Variants in EPHA3 observed in about 807,000 individuals in gnomAD.
The protein encoded by EPHA3 is ephrin type-A receptor 3.
A neutral mutation model predicts 107.1 loss-of-function variants in EPHA3; 42 were observed. The observed-to-expected ratio is 0.39, with a 90% CI of 0.31 to 0.51. The LOEUF (loss-of-function observed/expected upper bound fraction) is 0.51, where lower values mean the gene tolerates loss of function less well. Ranked by LOEUF, EPHA3 falls within the 20% of genes least tolerant of loss-of-function variation. The pLI, the probability that EPHA3 is intolerant of heterozygous loss-of-function variation, is 0.78. For synonymous variants in EPHA3, 461 were observed against 424.8 expected (o/e 1.09, Z -1.05); for missense variants, 1,183 against 1,211.2 (o/e 0.98, Z 0.35).
intron 2 of EPHA3, among the ~76,000 whole-genome samples, chr3:89,131,685 G>C (rs1441326071): frequency 1.3e-5 from 2 of 152,170 alleles, no homozygotes; most frequent in Non-Finnish European, 2.9e-5. Context: ...TTCAGGGAGT[G>C]TAGAAAAAGC....
At chr3:89,404,596 C>T (rs1709021036) in intron 7 of EPHA3, among the ~76,000 whole-genome samples, 1 of 152,070 alleles carries the variant, frequency 6.6e-6, no homozygotes. Context: ...TTATTAGACA[C>T]CTATGTAACT....
At chr3:89,218,630 A>G (rs1704276460) in intron 3 of EPHA3, among the ~76,000 whole-genome samples, 1 of 152,162 alleles carries the variant, frequency 6.6e-6, no homozygotes, top group African/African-American at 2.4e-5. Flanking sequence ...AGCATGATTT[A>G]TAATCCTTTG....
At chr3:89,242,144 G>A (rs898478297) in intron 3 of EPHA3, among the ~76,000 whole-genome samples, 12 of 152,258 alleles carry the variant, frequency 7.9e-5, no homozygotes, top group African/African-American at 1.7e-4. Context: ...TAAAGAAGAC[G>A]ATCTTTGTCT....
At chr3:89,175,732 G>A (rs1460860322) in intron 2 of EPHA3, among the ~76,000 whole-genome samples, 2 of 151,988 alleles carry the variant, frequency 1.3e-5, no homozygotes, top group African/African-American at 2.4e-5. Context: ...CTAAAAGGAC[G>A]GGTTGTCATC....
At chr3:89,395,592 A>G (rs748641450) in intron 5 of EPHA3, among the ~76,000 whole-genome samples, 16 of 152,194 alleles carry the variant, frequency 1.1e-4, no homozygotes, top group Non-Finnish European at 2.2e-4. Flanking sequence ...CCAGCAGCAG[A>G]GAATCTCAGC....
At chr3:89,167,928 A>G (rs1283732478) in intron 2 of EPHA3, among the ~76,000 whole-genome samples, 3 of 152,020 alleles carry the variant, frequency 2.0e-5, no homozygotes, top group African/African-American at 7.2e-5. Flanking sequence ...ACACATATAT[A>G]CACACACACA....
intron 3 of EPHA3, among the ~76,000 whole-genome samples, chr3:89,329,104 G>T (rs1707235120): frequency 6.6e-6 from 1 of 152,066 alleles, no homozygotes. Flanking sequence ...GGCAATCAAT[G>T]AAATTCTAAA....
At chr3:89,150,856 T>A (rs1704675611) in intron 2 of EPHA3, among the ~76,000 whole-genome samples, 1 of 151,994 alleles carries the variant, frequency 6.6e-6, no homozygotes, top group Admixed American at 6.6e-5. Flanking sequence ...CATGCCTGTA[T>A]TCCTAGCTAC....
In EPHA3 at chr3:89,267,241, G is replaced by C. The variant is rs528420283; in HGVS notation, c.814+56721G>C. On this transcript the variant is annotated intron_variant, in intron 3 of 16. Transcript: ENST00000336596. ...CCATTATAAAAGTTATAGTATCAAT[G>C]ATAGAAACTTTAGGAAATTTAAGAT... Among the ~76,000 whole-genome samples, 3 of 152,200 alleles carry C rather than the reference G, an allele frequency of 2.0e-5. No individual in the cohort carries two copies. The East Asian group carries it at 5.8e-4, about 29-fold the overall frequency.
chr3:89,222,269 C>G (rs62274654), intron 3 of EPHA3, among the ~76,000 whole-genome samples: 20,435 of 150,052 alleles, frequency 0.14, 1,414 homozygotes, highest in African/African-American at 0.16. Context: ...AATTTTGGAC[C>G]TGGCTAGCAT....
At position 89,469,923 on chromosome 3, in the gene EPHA3, A is replaced by G. The variant is rs544344910; in HGVS notation, c.2691-2541A>G. ...ACTTCAAATGACAGACTTCACTTAG[A>G]CTAATCTTTCATTTCAAGTATATAA... is the stretch of plus-strand genomic sequence containing the variant. On this transcript the variant is annotated intron_variant, in intron 15 of 16. Transcript: ENST00000336596. Among the ~76,000 whole-genome samples, 18 of 152,250 alleles carry G rather than the reference A, an allele frequency of 1.2e-4. No individual in the cohort carries two copies. The South Asian group carries it at 3.7e-3, about 31-fold the overall frequency.
intron 3 of EPHA3, among the ~76,000 whole-genome samples, chr3:89,267,921 TC>T (rs1453168878): frequency 6.6e-6 from 1 of 152,130 alleles, no homozygotes; most frequent in Non-Finnish European, 1.5e-5. Context: ...ACAGTGTGAT[TC>T]CATTAGGCTA....
intron 3 of EPHA3, among the ~76,000 whole-genome samples, chr3:89,306,375 C>G (rs1706621974): frequency 1.3e-5 from 2 of 152,102 alleles, no homozygotes; most frequent in South Asian, 2.1e-4. Context: ...AGATAATTAA[C>G]TCTATTGAAA....
At position 89,481,188 on chromosome 3, in the gene EPHA3, C is replaced by T. The variant is rs1046388317; in HGVS notation, c.*1686C>T. ...AAAATGGAACGCTAATGAAACACAG[C>T]TTACAATCGCAAATCAAAACTCACA... On this transcript the variant is annotated 3_prime_UTR_variant, in exon 17 of 17. Coordinates refer to ENST00000336596, the MANE Select transcript of EPHA3 (RefSeq NM_005233.6). 2.2e-5 allele frequency: 5 copies of T among 232,152 alleles called. No individual in the cohort carries two copies. The highest frequency in any genetic ancestry group is 1.1e-4 in the African/African-American group (5 of 45,306). The allele number at this position is 232,152 out of a possible 1,614,324, so 14.4% of individuals were successfully genotyped here.
intron 2 of EPHA3, among the ~76,000 whole-genome samples, chr3:89,160,380 T>C (rs1704903266): frequency 6.6e-6 from 1 of 152,120 alleles, no homozygotes; most frequent in Non-Finnish European, 1.5e-5. Context: ...ATTTAGATTG[T>C]TTTCCTTAGG....
At chr3:89,392,586 T>C (rs1708766844) in intron 5 of EPHA3, among the ~76,000 whole-genome samples, 1 of 151,604 alleles carries the variant, frequency 6.6e-6, no homozygotes, top group African/African-American at 2.4e-5. Flanking sequence ...TTAAGGAAGT[T>C]GAAAGTTTTT....
chr3:89,435,402 C>T (rs897408649), intron 13 of EPHA3, among the ~76,000 whole-genome samples: 2 of 148,460 alleles, frequency 1.3e-5, no homozygotes, highest in Admixed American at 6.8e-5. Flanking sequence ...GAGTTTGAGA[C>T]CAGCCTGGGC....
intron 3 of EPHA3, among the ~76,000 whole-genome samples, chr3:89,298,661 G>A (rs1199575856): frequency 3.3e-5 from 5 of 151,980 alleles, no homozygotes; most frequent in Admixed American, 2.6e-4. Context: ...TTCAATTAAA[G>A]GTATTTTTTG....
chr3:89,449,410 T>C, intron 14 of EPHA3, 36 bp downstream of exon 14: 1 of 1,515,036 alleles, frequency 6.6e-7, no homozygotes, highest in Non-Finnish European at 9.0e-7. Flanking sequence ...TGAGTTCAGA[T>C]GAAAAGATCA....
Sources: allele counts gnomAD v4.1 joint callset (sites outside exome capture counted in the v4.1 genomes callset), GRCh38; gene constraint gnomAD v4.1.1; transcripts MANE v1.5; gene names NCBI Gene and HGNC (gene_info 2026-07-23, HGNC 2026-07-21).